Variants in MICAL3 observed in about 807,000 individuals in gnomAD.
The protein encoded by MICAL3 is microtubule associated monooxygenase, calponin and LIM domain containing 3.
A neutral mutation model predicts 207.4 loss-of-function variants in MICAL3; 62 were observed. The ratio of observed to expected loss-of-function variants is 0.30; its 90% CI spans 0.24 to 0.37. MICAL3 has a LOEUF of 0.37. Among genes scored for constraint, MICAL3 ranks in the 10% least tolerant of loss-of-function variants. The probability of loss-of-function intolerance (pLI) is 1.00; values close to 1 mark genes in which losing one functional copy is unlikely to be tolerated. For missense variants in MICAL3, 2,368 were observed against 2,635.6 expected (o/e 0.90, Z 2.22); for synonymous variants, 1,077 against 1,069.3 (o/e 1.01, Z -0.14).
intron 1 of MICAL3, among the ~76,000 whole-genome samples, chr22:17,946,551 A>G (rs1466907660): frequency 3.9e-5 from 6 of 152,200 alleles, no homozygotes; most frequent in Non-Finnish European, 8.8e-5. Flanking sequence ...GTCTCAGCAC[A>G]TGCGACACTG....
At chr22:17,790,944 G>A (rs756406679) in intron 31 of MICAL3, 28 bp from the exon 32 acceptor site, 26 of 1,613,194 alleles carry the variant, frequency 1.6e-5, no homozygotes, top group Non-Finnish European at 2.1e-5. Flanking sequence ...CATGAGGTGA[G>A]GGGCCTGGAG....
intron 1 of MICAL3, among the ~76,000 whole-genome samples, chr22:17,937,233 T>C (rs527614180): frequency 1.3e-5 from 2 of 152,252 alleles, no homozygotes; most frequent in African/African-American, 4.8e-5. Context: ...CTTTTAAGTA[T>C]GCCAAAGAAA....
rs1230218029 is a variant in MICAL3 at position 17,801,162 on chromosome 22, T to TGCTGGAATTCTAAATCCAAAAAGC, written c.5650+7681_5650+7682insGCTTTTTGGATTTAGAATTCCAGC. Among the ~76,000 whole-genome samples the TGCTGGAATTCTAAATCCAAAAAGC allele has an allele frequency of 8.6e-4, 86 of 100,206 alleles. 3 individuals are homozygous for TGCTGGAATTCTAAATCCAAAAAGC. The highest frequency in any genetic ancestry group is 4.5e-3 in the Middle Eastern group (1 of 224). The allele number at this position is 100,206 out of a possible 152,430, so 65.7% of individuals were successfully genotyped here. A position where few individuals can be genotyped will look rare whatever the true frequency, so the allele number is the denominator to read the frequency against. On this transcript the variant is annotated intron_variant, in intron 29 of 31. Transcript: ENST00000441493. ...GTTTCCTTTTTCTTTTTTTTTTTTT[T>TGCTGGAATTCTAAATCCAAAAAGC]TTTTTTTTGAGACGGAGTCTCGCTC...
At chr22:17,823,442 G>A (rs944469484) in intron 22 of MICAL3, among the ~76,000 whole-genome samples, 3 of 152,176 alleles carry the variant, frequency 2.0e-5, no homozygotes, top group African/African-American at 7.2e-5. Context: ...TGTGCTGACC[G>A]CCTCACACAC....
intron 1 of MICAL3, among the ~76,000 whole-genome samples, chr22:17,958,848 C>T (rs537993054): frequency 1.5e-4 from 23 of 151,740 alleles, no homozygotes; most frequent in African/African-American, 5.3e-4. Context: ...AGATTAGAGG[C>T]GTCCGCCACC....
chr22:17,981,916 A>G lies in MICAL3; in HGVS notation c.-75+42365T>C, dbSNP rs1000703229. On this transcript the variant is annotated intron_variant, in intron 1 of 31. Coordinates refer to ENST00000441493, the MANE Select transcript of MICAL3 (RefSeq NM_015241.3). Reference sequence around the variant, plus strand: ...CCAGGAGTTGGAGACCAGCCTTGGTAACATAGTGAGACCTTGCCTCTACAA... The same window carrying G: ...CCAGGAGTTGGAGACCAGCCTTGGTGACATAGTGAGACCTTGCCTCTACAA... 3.9e-4 allele frequency among the ~76,000 whole-genome samples: 59 copies of G among 152,096 alleles called. 1 individual carries two copies. The highest frequency in any genetic ancestry group is 2.9e-5 in the Non-Finnish European group (2 of 68,012).
intron 1 of MICAL3, among the ~76,000 whole-genome samples, chr22:17,942,337 C>A (rs1933844969): frequency 6.6e-6 from 1 of 152,138 alleles, no homozygotes; most frequent in African/African-American, 2.4e-5. Flanking sequence ...GTAAATGGAG[C>A]CCAGCCCCAC....
rs1196623393 is a variant in MICAL3, at chr22:17,822,943, C to T, written c.3307+4G>A. 1.3e-6 allele frequency: 2 copies of T among 1,596,132 alleles called. No individual in the cohort carries two copies. Among genetic ancestry groups the T allele is most frequent in the South Asian group, 2.2e-5 (2 of 90,590 alleles). ...CCACAGGGGCGGGGAGGGCGGACCC[C>T]TACCATCATCCAGCTCAGCACCAGT... On this transcript the variant is annotated splice_donor_region_variant and intron_variant, in intron 23 of 31. Transcript: ENST00000441493.
At chr22:17,931,040 G>A (rs1933232040) in intron 1 of MICAL3, among the ~76,000 whole-genome samples, 2 of 152,228 alleles carry the variant, frequency 1.3e-5, no homozygotes, top group South Asian at 4.1e-4. Flanking sequence ...GCATCCCTGT[G>A]AGCTCGGGCC....
At chr22:17,992,436 A>G (rs574664149) in intron 1 of MICAL3, among the ~76,000 whole-genome samples, 1 of 152,382 alleles carries the variant, frequency 6.6e-6, no homozygotes, top group African/African-American at 2.4e-5. Flanking sequence ...CTTCCTGGCC[A>G]GTTAAATCCA....
chr22:18,023,650 T>C (rs368638427), intron 1 of MICAL3, among the ~76,000 whole-genome samples: 32 of 152,180 alleles, frequency 2.1e-4, no homozygotes, highest in African/African-American at 6.5e-4. Context: ...GGAATGAACT[T>C]GGCCGTCCTT....
chr22:17,838,477 A>G (rs2146062512), intron 20 of MICAL3, among the ~76,000 whole-genome samples: 1 of 143,062 alleles, frequency 7.0e-6, no homozygotes. Flanking sequence ...GGAGAGTAAC[A>G]GGAGCAGTAA....
intron 1 of MICAL3, among the ~76,000 whole-genome samples, chr22:17,969,275 G>C (rs1388724051): frequency 6.6e-6 from 1 of 152,286 alleles, no homozygotes; most frequent in African/African-American, 2.4e-5. Context: ...TCCTGACCTC[G>C]TGATCCACCT....
chr22:17,857,111 T>A (rs1294303813), intron 19 of MICAL3, among the ~76,000 whole-genome samples: 1 of 152,164 alleles, frequency 6.6e-6, no homozygotes, highest in Non-Finnish European at 1.5e-5. Context: ...GGTCACCAGG[T>A]TGTACTTTGT....
At chr22:17,829,320 C>T (rs1922543891) in intron 21 of MICAL3, among the ~76,000 whole-genome samples, 1 of 152,192 alleles carries the variant, frequency 6.6e-6, no homozygotes, top group African/African-American at 2.4e-5. Flanking sequence ...GCATGTGCCA[C>T]CATGCCCGAC....
rs1931243274 is a variant in MICAL3, at chr22:17,900,635, C to G, written c.847+207G>C. On this transcript the variant is annotated intron_variant, in intron 6 of 31. Coordinates refer to ENST00000441493, the MANE Select transcript of MICAL3 (RefSeq NM_015241.3). The surrounding 1 kb of genome is among the most constrained non-coding windows in gnomAD (Gnocchi z 4.0). ...AACAAAACCCAGAGCCGCCCAGTCA[C>G]TGTGAGGAGGTTAAGAATACAAGAG... Among the ~76,000 whole-genome samples, 3 of 152,092 alleles carry G rather than the reference C, an allele frequency of 2.0e-5. No homozygotes were observed. Among genetic ancestry groups the G allele is most frequent in the African/African-American group, 7.2e-5 (3 of 41,402 alleles).
intron 1 of MICAL3, among the ~76,000 whole-genome samples, chr22:17,922,719 C>T (rs942496480): frequency 5.3e-5 from 8 of 152,138 alleles, no homozygotes; most frequent in Non-Finnish European, 1.2e-4. Flanking sequence ...AGCCTTGTTC[C>T]AGGAGGGTCC....
At chr22:17,848,388 A>C (rs2587116) in intron 19 of MICAL3, among the ~76,000 whole-genome samples, 38,926 of 152,170 alleles carry the variant, frequency 0.26, 5,190 homozygotes, top group Middle Eastern at 0.34. Flanking sequence ...CACCACGTGA[A>C]GTGTGGCTGT....
chr22:17,923,946 C>T (rs1932855068), intron 1 of MICAL3, among the ~76,000 whole-genome samples: 1 of 152,176 alleles, frequency 6.6e-6, no homozygotes, highest in African/African-American at 2.4e-5. Context: ...ACTCAAGGAA[C>T]TTATGATCAT....
Sources: allele counts gnomAD v4.1 joint callset (sites outside exome capture counted in the v4.1 genomes callset), GRCh38; gene constraint gnomAD v4.1.1; non-coding constraint Gnocchi (gnomAD v3.1); transcripts MANE v1.5; gene names NCBI Gene and HGNC (gene_info 2026-07-23, HGNC 2026-07-21).